Variants in TBC1D2 observed in about 807,000 individuals in gnomAD.
The protein encoded by TBC1D2 is TBC1 domain family member 2.
TBC1D2 carries 58 observed loss-of-function variants against 91.1 expected under a neutral mutation model. That is an observed-to-expected ratio of 0.64 (90% CI 0.52 to 0.79). The LOEUF (loss-of-function observed/expected upper bound fraction) is 0.79. Ranked by LOEUF, TBC1D2 falls within the 30% of genes least tolerant of loss-of-function variation. The pLI is 0.00. For missense variants in TBC1D2, 1,080 were observed against 1,208.3 expected, an observed-to-expected ratio of 0.89 and a Z score of 1.57; for synonymous variants, 482 against 511.5, an observed-to-expected ratio of 0.94 and a Z score of 0.78.
chr9:98,235,272 T>G (rs1829476544), intron 3 of TBC1D2: 1 of 360,284 alleles, frequency 2.8e-6, no homozygotes, highest in Non-Finnish European at 5.5e-6. Context: ...CTATATTGCT[T>G]AGGAGTCAAC....
At chr9:98,239,997 T>C (rs1039778821) in intron 3 of TBC1D2, among the ~76,000 whole-genome samples, 1 of 152,174 alleles carries the variant, frequency 6.6e-6, no homozygotes, top group African/African-American at 2.4e-5. Context: ...TCCTTTTTGT[T>C]TCTGTAAGGT....
intron 3 of TBC1D2, among the ~76,000 whole-genome samples, chr9:98,239,686 G>A (rs1421569286): frequency 6.6e-6 from 1 of 152,178 alleles, no homozygotes; most frequent in Admixed American, 6.5e-5. Flanking sequence ...CTTATAAAAT[G>A]AGTTGGGGGA....
chr9:98,203,496 G>C lies in TBC1D2; in HGVS notation c.2151-88C>G, dbSNP rs893163196. 3 of 1,559,488 alleles carry C rather than the reference G, an allele frequency of 1.9e-6. No homozygotes were observed. In the African/African-American group the frequency reaches 4.1e-5, roughly 21 times the overall value. On this transcript the variant is annotated intron_variant, in intron 9 of 12. Transcript: ENST00000465784. ...GCAGAGGTGGCTTCCTGGGTTCCAG[G>C]GGGAAAGTCCTTCCATGTGAGCATC... is the stretch of plus-strand genomic sequence containing the variant.
intron 4 of TBC1D2, among the ~76,000 whole-genome samples, chr9:98,230,549 T>C (rs551577186): frequency 1.3e-5 from 2 of 152,286 alleles, no homozygotes; most frequent in East Asian, 1.9e-4. Context: ...TGACTTAGCA[T>C]GAGACCAGGC....
intron 4 of TBC1D2, 142 bp from the exon 5 acceptor site, chr9:98,229,290 T>A (rs1829312554): frequency 1.4e-6 from 1 of 717,854 alleles, no homozygotes; most frequent in African/African-American, 1.8e-5. Context: ...TTAATAGGTC[T>A]GGGGCAGGGC....
chr9:98,207,953 T>C (rs530136459), intron 9 of TBC1D2, among the ~76,000 whole-genome samples: 16 of 152,288 alleles, frequency 1.1e-4, no homozygotes, highest in African/African-American at 3.8e-4. Flanking sequence ...TTTCCTGGCT[T>C]CTGTGAACTC....
intron 7 of TBC1D2, 99 bp downstream of exon 7, chr9:98,213,009 G>T: frequency 1.5e-6 from 2 of 1,331,160 alleles, no homozygotes; most frequent in Non-Finnish European, 2.1e-6. Flanking sequence ...GAGGGAGAGG[G>T]GCAGACAGGA....
At chr9:98,246,650 G>A (rs968333714) in intron 2 of TBC1D2, among the ~76,000 whole-genome samples, 1 of 152,182 alleles carries the variant, frequency 6.6e-6, no homozygotes, top group African/African-American at 2.4e-5. Context: ...AGTTCTGGGA[G>A]GTGGAGACAG....
intron 2 of TBC1D2, among the ~76,000 whole-genome samples, chr9:98,251,039 C>G (rs1358427809): frequency 1.3e-5 from 2 of 152,158 alleles, no homozygotes; most frequent in African/African-American, 4.8e-5. Context: ...GTAATCCCAG[C>G]ACTTTGGGAG....
chr9:98,208,817 G>A lies in TBC1D2; in HGVS notation c.2001C>T (p.Ala667=). 2 of 1,604,950 alleles carry A rather than the reference G, an allele frequency of 1.2e-6. No homozygotes were observed. The highest frequency in any genetic ancestry group is 8.5e-7 in the Non-Finnish European group (1 of 1,173,058). The change falls in exon 9 of 13, where the codon GCC becomes GCT. Residue 667 remains alanine (A), a synonymous_variant. Coordinates refer to ENST00000465784, the MANE Select transcript of TBC1D2 (RefSeq NM_001267571.2). ...SRGQAREHPA[A]RQIELDLNRT... ...GGTTCAGGTCCAGCTCAATCTGGCG[G>A]GCAGCAGGGTGCTCGCGGGCCTGGC...
At chr9:98,218,160 C>T (rs1829013804) in intron 6 of TBC1D2, among the ~76,000 whole-genome samples, 1 of 152,224 alleles carries the variant, frequency 6.6e-6, no homozygotes, top group South Asian at 2.1e-4. Context: ...CCTTATGCAA[C>T]CCTTTAAAGC....
At chr9:98,202,218 G>A (rs1307087595) in intron 10 of TBC1D2, among the ~76,000 whole-genome samples, 1 of 152,204 alleles carries the variant, frequency 6.6e-6, no homozygotes, top group Non-Finnish European at 1.5e-5. Flanking sequence ...TCAAAACAGG[G>A]TGCTCCTGGC....
intron 8 of TBC1D2, 53 bp from the exon 9 acceptor site, chr9:98,209,197 AGG>A: frequency 6.4e-7 from 1 of 1,556,768 alleles, no homozygotes; most frequent in Non-Finnish European, 8.8e-7. Flanking sequence ...TCCCTAGATA[AGG>A]GGTGGTGGTG....
chr9:98,233,693 A>G (rs1415492886), intron 3 of TBC1D2, 144 bp from the exon 4 acceptor site: 6 of 1,235,960 alleles, frequency 4.9e-6, no homozygotes, highest in Non-Finnish European at 6.7e-6. Context: ...GGCACCCTAC[A>G]TGATGCCTCC....
chr9:98,226,236 A>G (rs763350816), intron 5 of TBC1D2, among the ~76,000 whole-genome samples: 64 of 152,210 alleles, frequency 4.2e-4, no homozygotes, highest in Non-Finnish European at 1.0e-4. Flanking sequence ...ATGAAGACCT[A>G]AGCTCCCTGA....
At chr9:98,202,926 T>TC (rs1030861515) in intron 10 of TBC1D2, among the ~76,000 whole-genome samples, 13 of 152,262 alleles carry the variant, frequency 8.5e-5, no homozygotes, top group Non-Finnish European at 1.0e-4. Flanking sequence ...CTCCTGGTGT[T>TC]CACCTTCTGC....
At chr9:98,247,413 T>C (rs372300272) in intron 2 of TBC1D2, among the ~76,000 whole-genome samples, 2 of 147,818 alleles carry the variant, frequency 1.4e-5, no homozygotes, top group East Asian at 2.0e-4. Flanking sequence ...TCAGAGTTAA[T>C]GTATACAAAA....
chr9:98,199,636 G>A (rs771472990), intron 12 of TBC1D2, 48 bp from the exon 13 acceptor site: 72 of 1,601,146 alleles, frequency 4.5e-5, no homozygotes, highest in Non-Finnish European at 5.5e-5. Flanking sequence ...CCACCTGGCC[G>A]GCGTTTACCC....
intron 5 of TBC1D2, among the ~76,000 whole-genome samples, chr9:98,225,024 G>A (rs1400016684): frequency 6.6e-6 from 1 of 152,188 alleles, no homozygotes; most frequent in Non-Finnish European, 1.5e-5. Context: ...TGAAGTTTTT[G>A]GCTGGAGTTC....
Sources: allele counts gnomAD v4.1 joint callset (sites outside exome capture counted in the v4.1 genomes callset), GRCh38; gene constraint gnomAD v4.1.1; transcripts MANE v1.5; gene names NCBI Gene and HGNC (gene_info 2026-07-23, HGNC 2026-07-21).